The following ZCCHC7 variants were observed in gnomAD, a reference collection of about 807,000 sequenced individuals.
ZCCHC7 encodes zinc finger CCHC-type containing 7.
In ZCCHC7, 35 loss-of-function variants were observed where a neutral mutation model predicts 52.0. The ratio of observed to expected loss-of-function variants is 0.67; its 90% CI spans 0.51 to 0.89. The LOEUF (loss-of-function observed/expected upper bound fraction) is 0.89. Among genes scored for constraint, ZCCHC7 ranks in the 40% least tolerant of loss-of-function variants. ZCCHC7 has a pLI of 0.00. For missense variants in ZCCHC7, 574 were observed against 649.1 expected (o/e 0.88, Z 1.26); for synonymous variants, 217 against 221.5 (o/e 0.98, Z 0.18).
At chr9:37,129,714 T>C (rs1358242989) in intron 2 of ZCCHC7, among the ~76,000 whole-genome samples, 2 of 152,236 alleles carry the variant, frequency 1.3e-5, no homozygotes, top group Admixed American at 6.5e-5. Context: ...CCCAGAATTA[T>C]GGCATACTGA....
At chr9:37,298,377 A>G (rs1828881930) in intron 2 of ZCCHC7, among the ~76,000 whole-genome samples, 1 of 152,240 alleles carries the variant, frequency 6.6e-6, no homozygotes, top group Non-Finnish European at 1.5e-5. Context: ...TATTCAAACT[A>G]TATCAATATC....
chr9:37,208,252 T>G (rs907698362), intron 2 of ZCCHC7, among the ~76,000 whole-genome samples: 1 of 152,134 alleles, frequency 6.6e-6, no homozygotes, highest in Non-Finnish European at 1.5e-5. Flanking sequence ...ACGCGGCTAA[T>G]TTTTGTATTT....
chr9:37,134,718 T>G (rs1004157880), intron 2 of ZCCHC7, among the ~76,000 whole-genome samples: 9 of 152,102 alleles, frequency 5.9e-5, no homozygotes, highest in African/African-American at 1.9e-4. Flanking sequence ...GTTGGTTGTT[T>G]TTTGTTGTTG....
intron 2 of ZCCHC7, among the ~76,000 whole-genome samples, chr9:37,271,476 A>G (rs1827409436): frequency 6.6e-6 from 1 of 152,190 alleles, no homozygotes; most frequent in Non-Finnish European, 1.5e-5. Flanking sequence ...AATTATAGAA[A>G]TTTGAACACT....
chr9:37,198,720 T>A (rs1823422713), intron 2 of ZCCHC7, among the ~76,000 whole-genome samples: 1 of 152,210 alleles, frequency 6.6e-6, no homozygotes, highest in African/African-American at 2.4e-5. Context: ...CTTGTGTATA[T>A]TCTGCAGTCT....
intron 2 of ZCCHC7, among the ~76,000 whole-genome samples, chr9:37,212,510 C>G (rs1364023593): frequency 6.6e-6 from 1 of 151,918 alleles, no homozygotes; most frequent in Non-Finnish European, 1.5e-5. Context: ...CTTTCTTTTT[C>G]TCTTTCTCTT....
intron 2 of ZCCHC7, among the ~76,000 whole-genome samples, chr9:37,137,276 A>G (rs1222579317): frequency 6.6e-6 from 1 of 152,236 alleles, no homozygotes; most frequent in East Asian, 1.9e-4. Context: ...AAAAAGATTA[A>G]AAAGTAGATA....
At chr9:37,236,536 C>T (rs1464500095) in intron 2 of ZCCHC7, among the ~76,000 whole-genome samples, 12 of 152,056 alleles carry the variant, frequency 7.9e-5, no homozygotes, top group African/African-American at 2.4e-4. Flanking sequence ...GGACTACAGG[C>T]GCCCGCCACC....
rs869266535 is a variant in ZCCHC7, at chr9:37,352,511, C to CTTTTTTTTTTTTTTTTTTTTTTTT, written c.1084-2198_1084-2175dup. 9.8e-5 allele frequency among the ~76,000 whole-genome samples: 8 copies of CTTTTTTTTTTTTTTTTTTTTTTTT among 81,576 alleles called. 1 individual carries two copies. The highest frequency in any genetic ancestry group is 4.5e-4 in the African/African-American group (8 of 17,970). 53.5% of individuals were successfully genotyped at this position (81,576 alleles called of 152,430 possible). A position where few individuals can be genotyped will look rare whatever the true frequency, so the allele number is the denominator to read the frequency against. Reference sequence around the variant, plus strand: ...TACCTTTGCATAATCACAATTTGCTCTTTTTTTTTTTTTTTTTTTTTTTTG... The same window carrying CTTTTTTTTTTTTTTTTTTTTTTTT: ...TACCTTTGCATAATCACAATTTGCTCTTTTTTTTTTTTTTTTTTTTTTTTTTTTTTTTTTTTTTTTTTTTTTTTG... On this transcript the variant is annotated intron_variant, in intron 7 of 8. Transcript: ENST00000336755.
intron 2 of ZCCHC7, among the ~76,000 whole-genome samples, chr9:37,282,064 T>C (rs1827983642): frequency 6.6e-6 from 1 of 152,196 alleles, no homozygotes; most frequent in Admixed American, 6.5e-5. Context: ...AGCTTTTCAT[T>C]TTCTTCAGAA....
intron 2 of ZCCHC7, among the ~76,000 whole-genome samples, chr9:37,149,923 T>C (rs1195605338): frequency 6.6e-6 from 1 of 152,232 alleles, no homozygotes; most frequent in Non-Finnish European, 1.5e-5. Context: ...AGTCAAACTC[T>C]GAAAGAAATC....
At chr9:37,240,667 C>G (rs1278110103) in intron 2 of ZCCHC7, among the ~76,000 whole-genome samples, 1 of 151,778 alleles carries the variant, frequency 6.6e-6, no homozygotes, top group Non-Finnish European at 1.5e-5. Flanking sequence ...AAAATCTGAC[C>G]GCATTTCATC....
At chr9:37,181,134 G>A (rs946858811) in intron 2 of ZCCHC7, among the ~76,000 whole-genome samples, 1 of 152,024 alleles carries the variant, frequency 6.6e-6, no homozygotes, top group Admixed American at 6.5e-5. Context: ...AAGCAGATCA[G>A]CTCAGTGTAA....
At chr9:37,327,257 T>C (rs1195780561) in intron 5 of ZCCHC7, 1 of 152,158 alleles carries the variant, frequency 6.6e-6, no homozygotes, top group Admixed American at 6.6e-5. Flanking sequence ...GTTTGGACTT[T>C]AGTTTCTTGC....
chr9:37,253,300 GA>G (rs1826419695), intron 2 of ZCCHC7, among the ~76,000 whole-genome samples: 1 of 151,558 alleles, frequency 6.6e-6, no homozygotes, highest in East Asian at 1.9e-4. Context: ...AAGACTTAGG[GA>G]AAAAAATACA....
intron 5 of ZCCHC7, among the ~76,000 whole-genome samples, chr9:37,312,374 A>G (rs752202672): frequency 6.6e-6 from 1 of 152,222 alleles, no homozygotes; most frequent in Non-Finnish European, 1.5e-5. Flanking sequence ...TGAATAAAAC[A>G]TGATCCCTGC....
chr9:37,292,622 CAG>C (rs1425140374), intron 2 of ZCCHC7, among the ~76,000 whole-genome samples: 2 of 151,218 alleles, frequency 1.3e-5, no homozygotes, highest in Non-Finnish European at 3.0e-5. Flanking sequence ...TAAAAAAAAA[CAG>C]AATGAACATG....
chr9:37,340,435 C>A (rs1820565276), intron 6 of ZCCHC7, among the ~76,000 whole-genome samples: 1 of 151,426 alleles, frequency 6.6e-6, no homozygotes, highest in Admixed American at 6.6e-5. Flanking sequence ...ATACAAAAGG[C>A]CTGCTTTTAT....
At chr9:37,247,548 ATTAT>A (rs936810117) in intron 2 of ZCCHC7, among the ~76,000 whole-genome samples, 12 of 152,286 alleles carry the variant, frequency 7.9e-5, no homozygotes, top group Admixed American at 7.8e-4. Context: ...GTTTCTGAAA[ATTAT>A]TTTCAGTATA....
Sources: gnomAD v4.1 joint callset for allele counts (sites outside exome capture counted in the v4.1 genomes callset) on GRCh38, gnomAD v4.1.1 for gene constraint, MANE v1.5 for transcripts, NCBI Gene and HGNC (gene_info 2026-07-23, HGNC 2026-07-21) for gene names.